Variants in LTBP1 observed in about 807,000 individuals in gnomAD.
LTBP1 encodes latent transforming growth factor beta binding protein 1, also known as latent-transforming growth factor beta-binding protein 1.
LTBP1 carries 129 observed loss-of-function variants against 207.6 expected under a neutral mutation model. That is an observed-to-expected ratio of 0.62 (90% confidence interval 0.54 to 0.72). The LOEUF (loss-of-function observed/expected upper bound fraction) is 0.72. LTBP1 is among the 30% of genes least tolerant of loss of function. The pLI, the probability that LTBP1 is intolerant of heterozygous loss-of-function variation, is 0.00. For synonymous variants in LTBP1, 963 were observed against 833.7 expected (o/e 1.16, Z -2.67); for missense variants, 2,281 against 2,217.2 (o/e 1.03, Z -0.58).
chr2:33,301,113 G>A (rs2093981683), intron 21 of LTBP1, among the ~76,000 whole-genome samples: 5 of 152,076 alleles, frequency 3.3e-5, no homozygotes, highest in Admixed American at 3.3e-4. Context: ...GATTTGCTAG[G>A]GTTGACCTTA....
chr2:33,003,059 G>C (rs142601773), intron 2 of LTBP1, among the ~76,000 whole-genome samples: 1 of 152,224 alleles, frequency 6.6e-6, no homozygotes. Context: ...AGCAATGTTG[G>C]CAGGCTTCCT....
chr2:33,348,058 A>T (rs1485671943), intron 26 of LTBP1, among the ~76,000 whole-genome samples: 1 of 152,222 alleles, frequency 6.6e-6, no homozygotes, highest in East Asian at 1.9e-4. Context: ...GCAAACTGAA[A>T]TAGAGAGTTG....
chr2:33,294,911 T>A (rs1418104307), intron 20 of LTBP1, among the ~76,000 whole-genome samples: 4 of 151,996 alleles, frequency 2.6e-5, no homozygotes. Flanking sequence ...TTTGGTTTTT[T>A]TTTTAATTGG....
chr2:32,952,201 C>A (rs901209048), intron 2 of LTBP1, among the ~76,000 whole-genome samples: 4 of 152,132 alleles, frequency 2.6e-5, no homozygotes, highest in African/African-American at 9.7e-5. Flanking sequence ...TTTAAATGGA[C>A]CATGATCAAA....
At chr2:32,994,085 G>T (rs1206627883) in intron 2 of LTBP1, among the ~76,000 whole-genome samples, 1 of 151,828 alleles carries the variant, frequency 6.6e-6, no homozygotes, top group African/African-American at 2.4e-5. Flanking sequence ...GATTATTGTA[G>T]TGCCCTCGTC....
intron 15 of LTBP1, among the ~76,000 whole-genome samples, chr2:33,270,451 G>T (rs575728272): frequency 3.3e-5 from 5 of 151,888 alleles, no homozygotes; most frequent in South Asian, 2.1e-4. Context: ...TTAGCCGGGC[G>T]TGGTGGCGGG....
chr2:33,314,277 T>C (rs142128710), intron 23 of LTBP1, among the ~76,000 whole-genome samples: 9 of 152,258 alleles, frequency 5.9e-5, no homozygotes, highest in Non-Finnish European at 1.2e-4. Flanking sequence ...CAGCCAAGCA[T>C]GGTGGCTCAC....
At chr2:33,389,329 T>A in intron 32 of LTBP1, 23 bp downstream of exon 32, 1 of 1,613,514 alleles carries the variant, frequency 6.2e-7, no homozygotes, top group Non-Finnish European at 8.5e-7. Context: ...ACCTTGTTCC[T>A]TTGATACTAA....
At position 33,342,902 on chromosome 2, in the gene LTBP1, C is replaced by G; in HGVS notation, c.3795C>G (p.Gly1265=). Residue 1265 remains glycine, a synonymous_variant, in exon 25 of 34, where the codon GGC becomes GGG. Coordinates refer to ENST00000404816, the MANE Select transcript of LTBP1 (RefSeq NM_206943.4). ...DSHGFCDNTA[G]SFRCLCYQGF... ...ACGGGTTTTGTGACAATACAGCTGGCTCCTTCCGCTGCCTCTGTTATCAGG... is the reference window on the plus strand; with the variant it reads ...ACGGGTTTTGTGACAATACAGCTGGGTCCTTCCGCTGCCTCTGTTATCAGG... The G allele has an allele frequency of 6.2e-7, 1 of 1,614,076 alleles. No individual in the cohort carries two copies. The highest frequency in any genetic ancestry group is 8.5e-7 in the Non-Finnish European group (1 of 1,179,916).
intron 31 of LTBP1, among the ~76,000 whole-genome samples, chr2:33,372,954 G>A (rs778156136): frequency 4.1e-4 from 62 of 152,310 alleles, no homozygotes; most frequent in Admixed American, 8.5e-4. Context: ...ATCAAAATCC[G>A]TTGATCTGCA....
intron 5 of LTBP1, among the ~76,000 whole-genome samples, chr2:33,181,187 G>A (rs2086594542): frequency 1.3e-5 from 2 of 152,180 alleles, no homozygotes; most frequent in African/African-American, 4.8e-5. Flanking sequence ...GGAACCAGCA[G>A]CCGAAGTATT....
At chr2:33,178,215 A>G (rs1203007558) in intron 5 of LTBP1, among the ~76,000 whole-genome samples, 1 of 152,240 alleles carries the variant, frequency 6.6e-6, no homozygotes, top group African/African-American at 2.4e-5. Context: ...TAAGGGGGAC[A>G]GAGCCTTGAG....
intron 2 of LTBP1, among the ~76,000 whole-genome samples, chr2:32,969,815 A>G (rs1175780358): frequency 6.6e-6 from 1 of 152,192 alleles, no homozygotes; most frequent in Non-Finnish European, 1.5e-5. Flanking sequence ...GTGAAAAGGT[A>G]GCTCTGTTTT....
intron 5 of LTBP1, among the ~76,000 whole-genome samples, chr2:33,146,694 A>G (rs1336058282): frequency 6.6e-6 from 1 of 152,186 alleles, no homozygotes; most frequent in Non-Finnish European, 1.5e-5. Flanking sequence ...GTGGAAGGCA[A>G]AGGGGAAGCA....
intron 9 of LTBP1, 50 bp from the exon 10 acceptor site, chr2:33,243,612 T>C: frequency 6.3e-7 from 1 of 1,591,734 alleles, no homozygotes; most frequent in Non-Finnish European, 8.6e-7. Context: ...AGCCAGAATC[T>C]GCTCAATGGG....
intron 9 of LTBP1, among the ~76,000 whole-genome samples, chr2:33,230,327 T>TA (rs2091712057): frequency 6.6e-6 from 1 of 152,224 alleles, no homozygotes; most frequent in African/African-American, 2.4e-5. Flanking sequence ...GTATACATGT[T>TA]AATTTGAGGA....
chr2:33,214,217 G>A (rs140890906), intron 7 of LTBP1, among the ~76,000 whole-genome samples: 9 of 152,246 alleles, frequency 5.9e-5, no homozygotes, highest in African/African-American at 1.2e-4. Flanking sequence ...AGGTTGCAAC[G>A]GTGGGGACCT....
At chr2:33,190,782 G>A (rs2087774289) in intron 7 of LTBP1, among the ~76,000 whole-genome samples, 1 of 151,722 alleles carries the variant, frequency 6.6e-6, no homozygotes, top group African/African-American at 2.4e-5. Context: ...CAGTAAGATA[G>A]GGGACAGCAT....
chr2:33,365,086 G>C (rs1424957548), intron 30 of LTBP1, among the ~76,000 whole-genome samples: 2 of 152,192 alleles, frequency 1.3e-5, no homozygotes, highest in East Asian at 3.8e-4. Context: ...TTATATAAAA[G>C]TAGGAAGCTA....
Sources: allele counts gnomAD v4.1 joint callset (sites outside exome capture counted in the v4.1 genomes callset), GRCh38; gene constraint gnomAD v4.1.1; transcripts MANE v1.5; gene names NCBI Gene and HGNC (gene_info 2026-07-23, HGNC 2026-07-21).